The following ANKRD29 variants were observed in gnomAD, a reference collection of about 807,000 sequenced individuals.
The protein encoded by ANKRD29 is ankyrin repeat domain-containing protein 29.
Under a neutral mutation model 38.0 loss-of-function variants are expected in ANKRD29, and 32 were observed. That is an observed-to-expected ratio of 0.84 (90% confidence interval 0.64 to 1.13). The LOEUF (loss-of-function observed/expected upper bound fraction) is 1.13, where lower values mean the gene tolerates loss of function less well. Ranked by LOEUF, ANKRD29 falls within the 50% of genes most tolerant of loss-of-function variation. The probability of loss-of-function intolerance (pLI) is 0.00; values close to 1 mark genes in which losing one functional copy is unlikely to be tolerated. For missense variants in ANKRD29, 357 were observed against 377.9 expected, an observed-to-expected ratio of 0.94 and a Z score of 0.46; for synonymous variants, 135 against 152.4, an observed-to-expected ratio of 0.89 and a Z score of 0.84.
intron 9 of ANKRD29, among the ~76,000 whole-genome samples, chr18:23,602,394 G>A (rs113831516): frequency 1.4e-3 from 206 of 152,154 alleles, no homozygotes; most frequent in African/African-American, 4.5e-3. Context: ...AGAGACACCC[G>A]GGAAAGAAGA....
chr18:23,662,617 AC>A (rs946424459), intron 1 of ANKRD29, 92 bp downstream of exon 1: 58 of 142,378 alleles, frequency 4.1e-4, no homozygotes, highest in Non-Finnish European at 2.7e-4. Context: ...GGCAGCGCCC[AC>A]CCCATCCCAC....
intron 9 of ANKRD29, among the ~76,000 whole-genome samples, chr18:23,605,715 C>T (rs868537886): frequency 6.6e-6 from 1 of 151,262 alleles, no homozygotes; most frequent in African/African-American, 2.4e-5. Flanking sequence ...TTAGTAGAGA[C>T]GGGGTTTCAC....
chr18:23,603,430 T>G (rs1400950353), intron 9 of ANKRD29, among the ~76,000 whole-genome samples: 1 of 152,170 alleles, frequency 6.6e-6, no homozygotes, highest in Admixed American at 6.5e-5. Flanking sequence ...GTCACAAGTT[T>G]AAGACCAGCC....
intron 1 of ANKRD29, among the ~76,000 whole-genome samples, chr18:23,657,071 T>G (rs2060294013): frequency 6.6e-6 from 1 of 152,218 alleles, no homozygotes; most frequent in Non-Finnish European, 1.5e-5. Context: ...CTCTGCTCCT[T>G]CAAGACTCAG....
At chr18:23,622,045 A>G (rs1350174667) in intron 6 of ANKRD29, among the ~76,000 whole-genome samples, 2 of 152,140 alleles carry the variant, frequency 1.3e-5, no homozygotes, top group African/African-American at 4.8e-5. Context: ...ATACGACTGC[A>G]GTGCCATCAT....
Position 23,649,140 on chromosome 18 carries a change from C to A in ANKRD29, c.75G>T (p.Leu25=), listed in dbSNP as rs1395326962. The A allele has an allele frequency of 2.5e-6, 4 of 1,614,096 alleles. No homozygotes were observed. In the Admixed American group the frequency reaches 6.7e-5, roughly 27 times the overall value. ...TGTTCAACAGCAGCTTCAGCAGCGC[C>A]AGGTTTCCTCTCCTGGCTGCCCAGA... ...AAFWAARRGN[L]ALLKLLLNSG... is the part of the protein sequence containing the mutation. Residue 25 remains leucine, a synonymous_variant, in exon 2 of 10, where the codon CTG becomes CTT. Transcript: ENST00000592179.
At chr18:23,625,576 G>A (rs2059852576) in intron 6 of ANKRD29, among the ~76,000 whole-genome samples, 1 of 152,152 alleles carries the variant, frequency 6.6e-6, no homozygotes. Flanking sequence ...TGGGTTTTCT[G>A]TTCCAATGAG....
chr18:23,620,781 A>G (rs1261845604), intron 6 of ANKRD29, among the ~76,000 whole-genome samples: 1 of 152,134 alleles, frequency 6.6e-6, no homozygotes, highest in Non-Finnish European at 1.5e-5. Flanking sequence ...TTTCAGAGTC[A>G]GTGGTCCCCC....
intron 6 of ANKRD29, 85 bp from the exon 7 acceptor site, chr18:23,619,714 A>C: frequency 8.2e-7 from 1 of 1,225,076 alleles, no homozygotes. Flanking sequence ...CAGGGGTCTG[A>C]AAGCGAAAAC....
chr18:23,601,088 C>G lies in ANKRD29; in HGVS notation c.*138G>C. The stretch of plus-strand genomic sequence containing the variant: ...ACTTCGTGCACAGAGCGTAGCTCTT[C>G]TTTGTCAGGGACCCACAGGATGGGC... On this transcript the variant is annotated 3_prime_UTR_variant, in exon 10 of 10. Transcript: ENST00000592179. The G allele has an allele frequency of 1.4e-6, 1 of 735,458 alleles. No homozygotes were observed. Among genetic ancestry groups the G allele is most frequent in the East Asian group, 2.8e-5 (1 of 36,150 alleles). The allele number at this position is 735,458 out of a possible 1,614,324, so 45.6% of individuals were successfully genotyped here.
chr18:23,611,331 C>T (rs1424375625), intron 9 of ANKRD29, among the ~76,000 whole-genome samples: 1 of 152,074 alleles, frequency 6.6e-6, no homozygotes, highest in Non-Finnish European at 1.5e-5. Flanking sequence ...AACAATACTC[C>T]CATAGTAACT....
Position 23,634,278 on chromosome 18 carries a change from G to GTTTTTT in ANKRD29, c.331-135_331-130dup, listed in dbSNP as rs71163626. On this transcript the variant is annotated intron_variant, in intron 4 of 9. Coordinates refer to ENST00000592179, the MANE Select transcript of ANKRD29 (RefSeq NM_173505.4). ...AGATAATAACAAACTCACTTTCCCT[G>GTTTTTT]TTTTTTTTTTTTTTTTTTTTTTTTT... The GTTTTTT allele has an allele frequency of 9.4e-4, 350 of 373,076 alleles. 2 individuals are homozygous for GTTTTTT. The highest frequency in any genetic ancestry group is 1.3e-3 in the Non-Finnish European group (290 of 224,082). 23.1% of individuals were successfully genotyped at this position (373,076 alleles called of 1,614,324 possible). A position where few individuals can be genotyped will look rare whatever the true frequency, so the allele number is the denominator to read the frequency against.
intron 6 of ANKRD29, among the ~76,000 whole-genome samples, chr18:23,627,696 TAGAG>T (rs1444266648): frequency 4.6e-5 from 7 of 152,350 alleles, no homozygotes; most frequent in Non-Finnish European, 8.8e-5. Flanking sequence ...GATGTACTAA[TAGAG>T]AGACTTGATA....
At chr18:23,631,242 CTTT>C (rs577952705) in intron 5 of ANKRD29, among the ~76,000 whole-genome samples, 17 of 139,014 alleles carry the variant, frequency 1.2e-4, no homozygotes, top group Admixed American at 1.4e-4. Context: ...TCTCTCTCTT[CTTT>C]TTTTTTTTTT....
intron 1 of ANKRD29, 124 bp downstream of exon 1, chr18:23,662,586 A>G (rs984521736): frequency 5.4e-6 from 5 of 927,360 alleles, no homozygotes; most frequent in African/African-American, 5.3e-5. Flanking sequence ...GGAGAGAGGA[A>G]GGAGGAGGCG....
intron 2 of ANKRD29, chr18:23,648,856 T>G: frequency 2.2e-6 from 1 of 460,858 alleles, no homozygotes; most frequent in Non-Finnish European, 3.8e-6. Flanking sequence ...CTTTCCCTAT[T>G]GTGGTTGCCT....
intron 9 of ANKRD29, among the ~76,000 whole-genome samples, chr18:23,602,815 T>G (rs1008930152): frequency 6.6e-6 from 1 of 151,864 alleles, no homozygotes; most frequent in African/African-American, 2.4e-5. Context: ...CTGAGAAAAT[T>G]TTAAAAATAT....
intron 1 of ANKRD29, chr18:23,649,634 T>C: frequency 2.2e-5 from 10 of 453,550 alleles, no homozygotes; most frequent in South Asian, 1.6e-4. Context: ...CTCAAAAGAG[T>C]TTACCTGCCC....
At chr18:23,629,750 C>CCTTGAGCT (rs2059905580) in intron 6 of ANKRD29, 103 bp downstream of exon 6, 1 of 851,876 alleles carries the variant, frequency 1.2e-6, no homozygotes, top group African/African-American at 1.7e-5. Context: ...TTAAAGGATG[C>CCTTGAGCT]CTTGAGCTTA....
Sources: allele counts gnomAD v4.1 joint callset (sites outside exome capture counted in the v4.1 genomes callset), GRCh38; gene constraint gnomAD v4.1.1; transcripts MANE v1.5; gene names NCBI Gene and HGNC (gene_info 2026-07-23, HGNC 2026-07-21).